AKT1: variants seen among roughly 807,000 people sequenced by gnomAD.
AKT1 encodes AKT serine/threonine kinase 1, also known as RAC-alpha serine/threonine-protein kinase.
AKT1 carries 21 observed loss-of-function variants against 63.1 expected under a neutral mutation model. The ratio of observed to expected loss-of-function variants is 0.33; its 90% confidence interval spans 0.24 to 0.48. AKT1 has a LOEUF of 0.48. Among genes scored for constraint, AKT1 ranks in the 20% least tolerant of loss-of-function variants. The pLI is 0.99. For synonymous variants in AKT1, 257 were observed against 253.1 expected (o/e 1.02, Z -0.15); for missense variants, 382 against 666.0 (o/e 0.57, Z 4.69).
intron 3 of AKT1, among the ~76,000 whole-genome samples, chr14:104,783,109 C>T (rs1157787008): frequency 6.6e-6 from 1 of 152,128 alleles, no homozygotes; most frequent in African/African-American, 2.4e-5. Context: ...CAGGCCTGCA[C>T]CTGCCTACTC....
chr14:104,776,076 C>T (rs1386715813), intron 5 of AKT1: 3 of 318,280 alleles, frequency 9.4e-6, no homozygotes, highest in Admixed American at 5.6e-5. Context: ...CCCAGCAGGA[C>T]TCCGCCCCCC....
At chr14:104,787,711 T>C (rs1393660117) in intron 3 of AKT1, among the ~76,000 whole-genome samples, 3 of 152,200 alleles carry the variant, frequency 2.0e-5, no homozygotes, top group Admixed American at 2.0e-4. Context: ...CTCCTGGGCC[T>C]CAGTTTCCCT....
At chr14:104,789,999 G>A (rs952547780) in intron 3 of AKT1, among the ~76,000 whole-genome samples, 47 of 152,178 alleles carry the variant, frequency 3.1e-4, no homozygotes, top group Admixed American at 5.2e-4. Context: ...CAGAGATGAC[G>A]CTCACCTCCC....
At chr14:104,775,852 C>A (rs1892671885) in intron 5 of AKT1, 53 bp from the exon 6 acceptor site, 2 of 1,579,642 alleles carry the variant, frequency 1.3e-6, no homozygotes, top group Middle Eastern at 1.7e-4. Flanking sequence ...GAGCTCCACC[C>A]CACGTCTTTC....
intron 3 of AKT1, among the ~76,000 whole-genome samples, chr14:104,789,826 T>C (rs1358513481): frequency 6.6e-6 from 1 of 152,148 alleles, no homozygotes; most frequent in African/African-American, 2.4e-5. Context: ...CATCTCCCTG[T>C]TAGATGTGCA....
Position 104,770,812 on chromosome 14 carries a change from C to T in AKT1, c.1296G>A (p.Glu432=). 1.2e-6 allele frequency: 2 copies of T among 1,614,142 alleles called. No individual in the cohort carries two copies. Among genetic ancestry groups the T allele is most frequent in the Non-Finnish European group, 1.7e-6 (2 of 1,180,040 alleles). The change falls in exon 14 of 15, where the codon GAG becomes GAA. Residue 432 remains glutamate (E), a synonymous_variant. Transcript: ENST00000649815. The part of the protein sequence containing the change: ...SPPFKPQVTS[E]TDTRYFDEEF... ...CCTCATCAAAATACCTGGTGTCAGTCTCCGACGTGACCTGGGGCTTGAAGG... is the reference window on the plus strand; with the variant it reads ...CCTCATCAAAATACCTGGTGTCAGTTTCCGACGTGACCTGGGGCTTGAAGG...
At chr14:104,793,045 T>G in intron 2 of AKT1, 82 bp downstream of exon 2, 1 of 329,456 alleles carries the variant, frequency 3.0e-6, no homozygotes, top group Non-Finnish European at 5.8e-6. Context: ...AGCTGCTGCC[T>G]TGCTCACCTC....
Position 104,795,135 on chromosome 14 carries a change from C to G in AKT1, c.-258+349G>C, listed in dbSNP as rs1893823427. ...CCGGCTGCCTCGCTGGCCCAGCGCC[C>G]GGGGAGCCCCACGGCCCGCAGGGGC... is the stretch of plus-strand genomic sequence containing the variant. On this transcript the variant is annotated intron_variant, in intron 1 of 14. Transcript: ENST00000649815. This position sits in a 1 kb window ranked among gnomAD's most constrained non-coding sequence, Gnocchi z 5.1. The G allele has an allele frequency of 6.6e-6, 1 of 152,144 alleles. No homozygotes were observed. Among genetic ancestry groups the G allele is most frequent in the South Asian group, 2.1e-4 (1 of 4,836 alleles). The allele number at this position is 152,144 out of a possible 1,614,324, so 9.4% of individuals were successfully genotyped here. A position where few individuals can be genotyped will look rare whatever the true frequency, so the allele number is the denominator to read the frequency against.
At chr14:104,779,804 C>T (rs1259145069) in intron 4 of AKT1, among the ~76,000 whole-genome samples, 1 of 151,830 alleles carries the variant, frequency 6.6e-6, no homozygotes, top group Admixed American at 6.5e-5. Flanking sequence ...CAGCCAGCCT[C>T]GGCCTCGGGA....
At chr14:104,792,754 C>T in intron 2 of AKT1, 32 bp from the exon 3 acceptor site, 2 of 1,366,436 alleles carry the variant, frequency 1.5e-6, no homozygotes, top group Non-Finnish European at 2.1e-6. Flanking sequence ...GAATGTGAGG[C>T]CACGCCTGGC....
rs80335666 is a variant in AKT1 at position 104,787,725 on chromosome 14, C to T, written c.46+4873G>A. 1.4e-4 allele frequency among the ~76,000 whole-genome samples: 22 copies of T among 152,352 alleles called. No homozygotes were observed. In the East Asian group the frequency reaches 2.3e-3, roughly 16 times the overall value. On this transcript the variant is annotated intron_variant, in intron 3 of 14. Transcript: ENST00000649815. The stretch of plus-strand genomic sequence containing the variant: ...TCTCCTGGGCCTCAGTTTCCCTTCC[C>T]GGAGTCCAGCCCCCCACAGGGCATC...
Position 104,775,724 on chromosome 14 carries a change from C to T in AKT1, c.363G>A (p.Arg121=). ...KKQEEEEMDF[R]SGSPSDNSGA... Reference sequence around the variant, plus strand: ...CTGAGTTGTCACTGGGTGAGCCCGACCGGAAGTCCATCTCCTCCTCCTCCT... The same window carrying T: ...CTGAGTTGTCACTGGGTGAGCCCGATCGGAAGTCCATCTCCTCCTCCTCCT... The change falls in exon 6 of 15, where the codon CGG becomes CGA. Residue 121 remains arginine (R), a synonymous_variant. Coordinates refer to ENST00000649815, the MANE Select transcript of AKT1 (RefSeq NM_001382430.1). The T allele has an allele frequency of 2.5e-6, 4 of 1,614,088 alleles. No homozygotes were observed. The highest frequency in any genetic ancestry group is 3.4e-6 in the Non-Finnish European group (4 of 1,179,988).
intron 6 of AKT1, 131 bp from the exon 7 acceptor site, chr14:104,775,338 GC>G: frequency 6.7e-7 from 1 of 1,487,172 alleles, no homozygotes; most frequent in Non-Finnish European, 9.0e-7. Context: ...ACACCTGGTG[GC>G]CTACTGGGCT....
chr14:104,774,965 C>T lies in AKT1; in HGVS notation c.606G>A (p.Leu202=), dbSNP rs759079296. Residue 202 remains leucine (L), a synonymous_variant, in exon 8 of 15, where the codon CTG becomes CTA. Coordinates refer to ENST00000649815, the MANE Select transcript of AKT1 (RefSeq NM_001382430.1). The part of the protein sequence containing the change: ...VAHTLTENRV[L]QNSRHPFLTA... ...TGAGGAAGGGGTGCCTGGAGTTCTG[C>T]AGGACGCGGTTCTCGGTGAGTGTGT... 94 of 1,612,620 alleles carry T rather than the reference C, an allele frequency of 5.8e-5. No individual in the cohort carries two copies. The East Asian group carries it at 2.0e-3, about 34-fold the overall frequency.
chr14:104,780,975 G>A (rs954921340), intron 3 of AKT1, among the ~76,000 whole-genome samples: 4 of 152,166 alleles, frequency 2.6e-5, no homozygotes, highest in African/African-American at 9.7e-5. Context: ...CTCAGGCCCT[G>A]CCGCCGTCGG....
In AKT1 at chr14:104,772,409, G is replaced by C; in HGVS notation, c.1216C>G (p.Arg406Gly). 6.2e-7 allele frequency: 1 copy of C among 1,613,778 alleles called. No individual in the cohort carries two copies. The highest frequency in any genetic ancestry group is 8.5e-7 in the Non-Finnish European group (1 of 1,180,034). ...SEDAKEIMQH[R>G]FFAGIVWQHV... is the part of the protein sequence containing the mutation. ...TGCCACACGATACCGGCAAAGAAGC[G>C]ATGCTGCATGATCTCCTTGGCGTCC... Residue 406 changes from arginine to glycine, a missense_variant, in exon 13 of 15, where the codon CGC (arginine) becomes GGC (glycine). Arg to Gly is a moderately radical substitution (Grantham distance 125, BLOSUM62 -2). This residue lies in a region of AKT1 where 90 missense variants were observed against 120.5 expected (regional missense o/e 0.75). Coordinates refer to ENST00000649815, the MANE Select transcript of AKT1 (RefSeq NM_001382430.1).
chr14:104,782,522 G>A (rs1046086448), intron 3 of AKT1, among the ~76,000 whole-genome samples: 1 of 152,198 alleles, frequency 6.6e-6, no homozygotes, highest in African/African-American at 2.4e-5. Context: ...TGGATCTGGG[G>A]GTGCGGGAGG....
rs1303427980 is a variant in AKT1 at position 104,795,577 on chromosome 14, G to A, written c.-351C>T. 6.9e-6 allele frequency: 1 copy of A among 145,880 alleles called. No individual in the cohort carries two copies. The highest frequency in any genetic ancestry group is 1.5e-5 in the Non-Finnish European group (1 of 65,702). The allele number at this position is 145,880 out of a possible 1,614,324, so 9.0% of individuals were successfully genotyped here. A position where few individuals can be genotyped will look rare whatever the true frequency, so the allele number is the denominator to read the frequency against. On this transcript the variant is annotated 5_prime_UTR_variant, in exon 1 of 15. Coordinates refer to ENST00000649815, the MANE Select transcript of AKT1 (RefSeq NM_001382430.1). The surrounding 1 kb of genome is among the most constrained non-coding windows in gnomAD (Gnocchi z 5.1). The stretch of plus-strand genomic sequence containing the variant: ...ATCCCCGCGGGCCGGCGCTGGGCGG[G>A]GCCGGGCTGGAGGCCGCGGCGGGCG...
Position 104,769,488 on chromosome 14 carries a change from G to A in AKT1, c.*853C>T, listed in dbSNP as rs17846828. 2,542 of 516,606 alleles carry A rather than the reference G, an allele frequency of 4.9e-3. 31 individuals are homozygous for A. The highest frequency in any genetic ancestry group is 0.024 in the South Asian group (1,543 of 63,106). 32.0% of individuals were successfully genotyped at this position (516,606 alleles called of 1,614,324 possible). ...CAGCGTCTGGCCAGGAGGCGTGGAGGGGCCCAGGGATGGCCACCCCCACAG... is the reference window on the plus strand; with the variant it reads ...CAGCGTCTGGCCAGGAGGCGTGGAGAGGCCCAGGGATGGCCACCCCCACAG... On this transcript the variant is annotated 3_prime_UTR_variant, in exon 15 of 15. Transcript: ENST00000649815.
Sources: gnomAD v4.1 joint callset for allele counts (sites outside exome capture counted in the v4.1 genomes callset) on GRCh38, gnomAD v4.1.1 for gene constraint, gnomAD v4.1.1 regional missense constraint, Gnocchi (gnomAD v3.1) non-coding constraint, MANE v1.5 for transcripts, NCBI Gene and HGNC (gene_info 2026-07-23, HGNC 2026-07-21) for gene names.